The following TMEM38A variants were observed in gnomAD, a reference collection of about 807,000 sequenced individuals.
TMEM38A encodes the protein transmembrane protein 38A.
In TMEM38A, 17 loss-of-function variants were observed where a neutral mutation model predicts 28.6. That is an observed-to-expected ratio of 0.60 (90% confidence interval 0.41 to 0.89). TMEM38A has a LOEUF of 0.89. Among genes scored for constraint, TMEM38A ranks in the 40% least tolerant of loss-of-function variants. The pLI, the probability that TMEM38A is intolerant of heterozygous loss-of-function variation, is 0.00. For missense variants in TMEM38A, 328 were observed against 393.1 expected, an observed-to-expected ratio of 0.83 and a Z score of 1.40; for synonymous variants, 169 against 166.1, an observed-to-expected ratio of 1.02 and a Z score of -0.14.
chr19:16,669,256 G>A (rs1160918213), intron 1 of TMEM38A, among the ~76,000 whole-genome samples: 1 of 151,320 alleles, frequency 6.6e-6, no homozygotes, highest in Non-Finnish European at 1.5e-5. Flanking sequence ...TGCCAGGCTG[G>A]AGTGCAGTGG....
At position 16,665,150 on chromosome 19, in the gene TMEM38A, C is replaced by T. The variant is rs893607043; in HGVS notation, c.124+3809C>T. Among the ~76,000 whole-genome samples the T allele has an allele frequency of 7.2e-5, 11 of 152,096 alleles. No individual in the cohort carries two copies. In the South Asian group the frequency reaches 8.3e-4, roughly 11 times the overall value. On this transcript the variant is annotated intron_variant, in intron 1 of 5. Transcript: ENST00000187762. ...TCTCTACTAAAAATACAAAATTAGC[C>T]GGACGTGGTGGCACATGCCTGTAAT...
intron 3 of TMEM38A, among the ~76,000 whole-genome samples, chr19:16,681,195 G>A (rs1433617913): frequency 1.3e-5 from 2 of 152,202 alleles, no homozygotes; most frequent in Non-Finnish European, 2.9e-5. Context: ...GGCTGAGGTG[G>A]GAGGATCACT....
intron 5 of TMEM38A, among the ~76,000 whole-genome samples, chr19:16,687,433 A>C (rs1264791617): frequency 6.6e-6 from 1 of 152,218 alleles, no homozygotes. Flanking sequence ...AGGCATGAGA[A>C]TTGCTTGAAC....
At chr19:16,686,503 T>A in intron 5 of TMEM38A, 98 bp downstream of exon 5, 3 of 969,568 alleles carry the variant, frequency 3.1e-6, no homozygotes, top group Non-Finnish European at 4.8e-6. Flanking sequence ...CAGCCTTATG[T>A]GGCTGGGACA....
At chr19:16,680,339 T>G (rs879100316) in intron 2 of TMEM38A, 58 bp from the exon 3 acceptor site, 1 of 1,593,226 alleles carries the variant, frequency 6.3e-7, no homozygotes, top group Non-Finnish European at 8.6e-7. Context: ...CACAGCTCCC[T>G]ACCCCCATCC....
At chr19:16,666,196 G>A (rs558353278) in intron 1 of TMEM38A, among the ~76,000 whole-genome samples, 1 of 152,048 alleles carries the variant, frequency 6.6e-6, no homozygotes, top group East Asian at 1.9e-4. Context: ...GGCCAGGATG[G>A]TTTCAATCTC....
chr19:16,686,459 C>T (rs73518943), intron 5 of TMEM38A, 54 bp downstream of exon 5: 81,643 of 1,456,468 alleles, frequency 0.056, 3,688 homozygotes, highest in African/African-American at 0.23. Context: ...CACCCTGCCA[C>T]CTCCAGGTTG....
chr19:16,682,846 T>TCAGGGTA, intron 4 of TMEM38A, among the ~76,000 whole-genome samples: 1 of 152,206 alleles, frequency 6.6e-6, no homozygotes, highest in South Asian at 2.1e-4. Context: ...GTGTGCGGGG[T>TCAGGGTA]CAGGGTACAG....
chr19:16,667,183 C>T (rs2122576762), intron 1 of TMEM38A, among the ~76,000 whole-genome samples: 1 of 151,600 alleles, frequency 6.6e-6, no homozygotes, highest in East Asian at 1.9e-4. Flanking sequence ...GCAGGAGAAT[C>T]ACTTGAACCA....
At chr19:16,671,178 A>G (rs1210548581) in intron 1 of TMEM38A, among the ~76,000 whole-genome samples, 1 of 139,184 alleles carries the variant, frequency 7.2e-6, no homozygotes, top group Non-Finnish European at 1.5e-5. Flanking sequence ...ACCAAGGAGT[A>G]TGGAAAGGGG....
At chr19:16,664,056 C>T (rs1464117661) in intron 1 of TMEM38A, among the ~76,000 whole-genome samples, 1 of 152,154 alleles carries the variant, frequency 6.6e-6, no homozygotes, top group East Asian at 1.9e-4. Context: ...AGCCTCGGGA[C>T]TCAGCCCAGG....
intron 1 of TMEM38A, among the ~76,000 whole-genome samples, chr19:16,668,381 C>T (rs1448408473): frequency 1.3e-5 from 2 of 150,994 alleles, no homozygotes; most frequent in Admixed American, 6.6e-5. Flanking sequence ...CCTGTCTCTA[C>T]TAAAAATATA....
At chr19:16,679,762 C>G (rs1260991412) in intron 1 of TMEM38A, among the ~76,000 whole-genome samples, 1 of 152,168 alleles carries the variant, frequency 6.6e-6, no homozygotes, top group African/African-American at 2.4e-5. Flanking sequence ...ATTGCCACCT[C>G]TCTGGGCATG....
At chr19:16,682,535 C>T in intron 4 of TMEM38A, 27 bp downstream of exon 4, 1 of 1,604,102 alleles carries the variant, frequency 6.2e-7, no homozygotes, top group Middle Eastern at 1.7e-4. Flanking sequence ...ACCTCTCCCT[C>T]CATGCCTCCT....
At chr19:16,686,226 C>A in intron 4 of TMEM38A, 62 bp from the exon 5 acceptor site, 2 of 1,312,174 alleles carry the variant, frequency 1.5e-6, no homozygotes, top group Non-Finnish European at 2.2e-6. Flanking sequence ...GGTGTCTGGG[C>A]CAGAGTTATG....
chr19:16,664,218 C>G (rs572700483), intron 1 of TMEM38A, among the ~76,000 whole-genome samples: 1 of 151,768 alleles, frequency 6.6e-6, no homozygotes, highest in East Asian at 2.0e-4. Context: ...GACTTTGAAA[C>G]CAGCCTGGGC....
rs146071177 is a variant in TMEM38A at position 16,675,094 on chromosome 19, T to A, written c.125-4890T>A. ...TAAACAACAAATTTATTTCTCAGAGTTCTGGAGGCTGGAAGTCTGAGATCA... is the reference window on the plus strand; with the variant it reads ...TAAACAACAAATTTATTTCTCAGAGATCTGGAGGCTGGAAGTCTGAGATCA... On this transcript the variant is annotated intron_variant, in intron 1 of 5. Transcript: ENST00000187762. Among the ~76,000 whole-genome samples the A allele has an allele frequency of 4.1e-3, 629 of 152,216 alleles. 4 individuals are homozygous for A. The highest frequency in any genetic ancestry group is 6.8e-3 in the Middle Eastern group (2 of 294).
chr19:16,674,202 T>G (rs945861322), intron 1 of TMEM38A, among the ~76,000 whole-genome samples: 20 of 151,418 alleles, frequency 1.3e-4, no homozygotes, highest in African/African-American at 4.6e-4. Flanking sequence ...TTGGCCAACT[T>G]GGAGAAACCC....
chr19:16,684,875 CA>C (rs35283603), intron 4 of TMEM38A, among the ~76,000 whole-genome samples: 232 of 66,182 alleles, frequency 3.5e-3, no homozygotes, highest in Non-Finnish European at 4.2e-3. Context: ...TCCATCTCTA[CA>C]AAAAAAAAAA....
Sources: gnomAD v4.1 joint callset for allele counts (sites outside exome capture counted in the v4.1 genomes callset) on GRCh38, gnomAD v4.1.1 for gene constraint, MANE v1.5 for transcripts, NCBI Gene and HGNC (gene_info 2026-07-23, HGNC 2026-07-21) for gene names.